Variants in MARCHF4 observed in about 807,000 individuals in gnomAD.
The protein encoded by MARCHF4 is membrane associated ring-CH-type finger 4.
A neutral mutation model predicts 43.9 loss-of-function variants in MARCHF4; 14 were observed. The ratio of observed to expected loss-of-function variants is 0.32; its 90% confidence interval spans 0.21 to 0.50. The LOEUF (loss-of-function observed/expected upper bound fraction) is 0.50, where lower values mean the gene tolerates loss of function less well. Among genes scored for constraint, MARCHF4 ranks in the 20% least tolerant of loss-of-function variants. The pLI, the probability that MARCHF4 is intolerant of heterozygous loss-of-function variation, is 0.98. For missense variants in MARCHF4, 468 were observed against 536.7 expected, an observed-to-expected ratio of 0.87 and a Z score of 1.27; for synonymous variants, 226 against 213.3, an observed-to-expected ratio of 1.06 and a Z score of -0.52.
In MARCHF4 at chr2:216,293,870, G is replaced by A. The variant is rs1042357320; in HGVS notation, c.517-10141C>T. 5.8e-5 allele frequency among the ~76,000 whole-genome samples: 7 copies of A among 120,696 alleles called. 3 individuals carry two copies. The East Asian group carries it at 6.9e-4, about 12-fold the overall frequency. The allele number at this position is 120,696 out of a possible 152,430, so 79.2% of individuals were successfully genotyped here. On this transcript the variant is annotated intron_variant, in intron 1 of 3. Coordinates refer to ENST00000273067, the MANE Select transcript of MARCHF4 (RefSeq NM_020814.3). ...CAAACCAAGCTATATGGGGTCTGGC[G>A]GAAAAAAAGGTCACGTTTAATGTGT...
intron 3 of MARCHF4, among the ~76,000 whole-genome samples, chr2:216,271,417 A>G (rs996707062): frequency 2.0e-5 from 3 of 152,186 alleles, no homozygotes; most frequent in Non-Finnish European, 4.4e-5. Context: ...CTCCCCCAAG[A>G]GAGTCAATTG....
intron 1 of MARCHF4, among the ~76,000 whole-genome samples, chr2:216,315,173 T>C (rs996846321): frequency 2.6e-5 from 4 of 152,132 alleles, no homozygotes; most frequent in Admixed American, 1.3e-4. Context: ...TCAATAAATA[T>C]TGGAAATCTT....
At chr2:216,357,136 C>T (rs1408787474) in intron 1 of MARCHF4, among the ~76,000 whole-genome samples, 2 of 152,292 alleles carry the variant, frequency 1.3e-5, no homozygotes, top group East Asian at 1.9e-4. Flanking sequence ...ACTAGGAACT[C>T]AACATTGATA....
At chr2:216,263,137 T>C (rs971483393) in intron 3 of MARCHF4, among the ~76,000 whole-genome samples, 2 of 152,128 alleles carry the variant, frequency 1.3e-5, no homozygotes, top group African/African-American at 4.8e-5. Context: ...TAAAGAAAGA[T>C]GCACTTCGCC....
At chr2:216,325,585 C>A (rs566915468) in intron 1 of MARCHF4, among the ~76,000 whole-genome samples, 37 of 152,272 alleles carry the variant, frequency 2.4e-4, no homozygotes, top group Admixed American at 2.2e-3. Flanking sequence ...GCTACAGTAA[C>A]CAAAACAGCA....
In MARCHF4 at chr2:216,283,555, A is replaced by G. The variant is rs1574463217; in HGVS notation, c.672+19T>C. 2 of 1,573,108 alleles carry G rather than the reference A, an allele frequency of 1.3e-6. No homozygotes were observed. The highest frequency in any genetic ancestry group is 4.5e-5 in the East Asian group (2 of 44,000). On this transcript the variant is annotated intron_variant, in intron 2 of 3. Transcript: ENST00000273067. ...AAGCCCCAGGCCCAGCAACCCCACCAGGCAGCCCTGGGTTGTACCTGCAGA... is the reference window on the plus strand; with the variant it reads ...AAGCCCCAGGCCCAGCAACCCCACCGGGCAGCCCTGGGTTGTACCTGCAGA...
At chr2:216,317,316 A>G (rs567793123) in intron 1 of MARCHF4, among the ~76,000 whole-genome samples, 1 of 152,358 alleles carries the variant, frequency 6.6e-6, no homozygotes, top group African/African-American at 2.4e-5. Context: ...GAAATGCAGC[A>G]GGAAGGTTGG....
chr2:216,304,465 T>G (rs1261981731), intron 1 of MARCHF4, among the ~76,000 whole-genome samples: 1 of 152,164 alleles, frequency 6.6e-6, no homozygotes, highest in Non-Finnish European at 1.5e-5. Context: ...GAGAAGCTGT[T>G]TGTAATGACC....
At chr2:216,322,156 A>T (rs554681750) in intron 1 of MARCHF4, among the ~76,000 whole-genome samples, 1 of 152,356 alleles carries the variant, frequency 6.6e-6, no homozygotes, top group South Asian at 2.1e-4. Flanking sequence ...CAGAAGTCCA[A>T]GGTGGGTAAC....
chr2:216,320,754 T>A (rs1448362179), intron 1 of MARCHF4, among the ~76,000 whole-genome samples: 1 of 148,892 alleles, frequency 6.7e-6, no homozygotes, highest in East Asian at 2.0e-4. Flanking sequence ...CACTGCAACC[T>A]CTGCCTCCCA....
chr2:216,279,888 T>TGAGGGCA (rs1403203853), intron 2 of MARCHF4, among the ~76,000 whole-genome samples: 1 of 152,244 alleles, frequency 6.6e-6, no homozygotes, highest in Non-Finnish European at 1.5e-5. Flanking sequence ...CCCTCCTGCC[T>TGAGGGCA]GGAAAGAGGG....
chr2:216,298,579 T>A (rs997547475), intron 1 of MARCHF4, among the ~76,000 whole-genome samples: 5 of 152,328 alleles, frequency 3.3e-5, no homozygotes, highest in South Asian at 2.1e-4. Context: ...GTTAGGTTTT[T>A]AAGGTATGTT....
intron 1 of MARCHF4, among the ~76,000 whole-genome samples, chr2:216,327,170 T>C (rs1426365389): frequency 2.0e-5 from 3 of 152,214 alleles, no homozygotes; most frequent in East Asian, 3.9e-4. Flanking sequence ...AATTGAGATA[T>C]AATTTACACA....
chr2:216,326,605 T>C (rs1691995863), intron 1 of MARCHF4, among the ~76,000 whole-genome samples: 1 of 152,110 alleles, frequency 6.6e-6, no homozygotes, highest in African/African-American at 2.4e-5. Flanking sequence ...ATGTGGCACA[T>C]ATACACCGTG....
chr2:216,261,479 T>A (rs207871), intron 3 of MARCHF4, among the ~76,000 whole-genome samples: 115,677 of 152,096 alleles, frequency 0.76, 45,954 homozygotes, highest in Non-Finnish European at 0.89. Context: ...CCATTTCAAG[T>A]TCCTTAAATT....
chr2:216,325,033 T>C lies in MARCHF4; in HGVS notation c.517-41304A>G, dbSNP rs201259974. The stretch of plus-strand genomic sequence containing the variant: ...GAAGAGGAAGTCAAATTGTCCCTGT[T>C]TGCAGACGACATGACTGTATATCTA... On this transcript the variant is annotated intron_variant, in intron 1 of 3. Coordinates refer to ENST00000273067, the MANE Select transcript of MARCHF4 (RefSeq NM_020814.3). Among the ~76,000 whole-genome samples the C allele has an allele frequency of 6.5e-4, 99 of 152,222 alleles. 1 individual carries two copies. The East Asian group carries it at 0.017, about 27-fold the overall frequency.
At chr2:216,276,563 C>T (rs947118119) in intron 3 of MARCHF4, among the ~76,000 whole-genome samples, 2 of 152,334 alleles carry the variant, frequency 1.3e-5, no homozygotes, top group Middle Eastern at 3.4e-3. Flanking sequence ...AGTCTCCAGG[C>T]TTTTCTGATC....
rs755859299 is a variant in MARCHF4 at position 216,277,771 on chromosome 2, T to C, written c.766A>G (p.Ile256Val). The C allele has an allele frequency of 3.7e-6, 6 of 1,614,074 alleles. No individual in the cohort carries two copies. In the African/African-American group the frequency reaches 8.0e-5, roughly 22 times the overall value. ...GCCGAGGGGCTGAAAGTTGACCAGA[T>C]GAGCCAAGAAATACTGGCGATGAGG... ...LFLIASISWL[I>V]WSTFSPSARW... is the part of the protein sequence containing the mutation. Residue 256 changes from isoleucine to valine, a missense_variant, in exon 3 of 4, where the codon ATC becomes GTC. Physicochemically the swap from Ile to Val is conservative, Grantham distance 29. Around this residue, in one of 3 missense-constraint regions of MARCHF4, gnomAD observed 158 missense variants for 251.1 expected, o/e 0.63. Coordinates refer to ENST00000273067, the MANE Select transcript of MARCHF4 (RefSeq NM_020814.3).
intron 1 of MARCHF4, among the ~76,000 whole-genome samples, chr2:216,295,322 G>A (rs947670782): frequency 6.6e-6 from 1 of 152,180 alleles, no homozygotes; most frequent in Non-Finnish European, 1.5e-5. Context: ...GTGTAGTGGC[G>A]TGATCTCAAC....
Sources: allele counts gnomAD v4.1 joint callset (sites outside exome capture counted in the v4.1 genomes callset), GRCh38; gene constraint gnomAD v4.1.1; regional missense constraint gnomAD v4.1.1; transcripts MANE v1.5; gene names NCBI Gene and HGNC (gene_info 2026-07-23, HGNC 2026-07-21).